Variants in NSG2 observed in about 807,000 individuals in gnomAD.
NSG2 encodes the protein neuronal vesicle trafficking-associated protein 2.
In NSG2, 4 loss-of-function variants were observed where a neutral mutation model predicts 16.9. That is an observed-to-expected ratio of 0.24 (90% CI 0.12 to 0.54). The LOEUF (loss-of-function observed/expected upper bound fraction) is 0.54, where lower values mean the gene tolerates loss of function less well. NSG2 is among the 20% of genes least tolerant of loss of function. The probability of loss-of-function intolerance (pLI) is 0.95; values close to 1 mark genes in which losing one functional copy is unlikely to be tolerated. For missense variants in NSG2, 179 were observed against 221.1 expected, an observed-to-expected ratio of 0.81 and a Z score of 1.21; for synonymous variants, 98 against 88.7, an observed-to-expected ratio of 1.11 and a Z score of -0.59.
chr5:174,075,810 T>C (rs994279252), intron 3 of NSG2, among the ~76,000 whole-genome samples: 1 of 152,250 alleles, frequency 6.6e-6, no homozygotes, highest in African/African-American at 2.4e-5. Flanking sequence ...ATAAGATGAC[T>C]GTATGTGCAG....
intron 3 of NSG2, among the ~76,000 whole-genome samples, chr5:174,092,376 C>T (rs1338907122): frequency 6.6e-6 from 1 of 152,214 alleles, no homozygotes; most frequent in African/African-American, 2.4e-5. Flanking sequence ...GTCAAAGGTG[C>T]TTTTCTGCCC....
At chr5:174,074,755 T>C (rs754189644) in intron 3 of NSG2, among the ~76,000 whole-genome samples, 26 of 151,972 alleles carry the variant, frequency 1.7e-4, no homozygotes, top group Non-Finnish European at 3.4e-4. Context: ...CTGCCATGCC[T>C]TTTCATACTT....
rs746237857 is a variant in NSG2 at position 174,107,716 on chromosome 5, G to T, written c.*211G>T. Reference sequence around the variant, plus strand: ...TTTTGTTCCTTGGTATTGTTGATTCGTCGCCGAGTCAGGCTCATGTACAAA... The same window carrying T: ...TTTTGTTCCTTGGTATTGTTGATTCTTCGCCGAGTCAGGCTCATGTACAAA... On this transcript the variant is annotated 3_prime_UTR_variant, in exon 5 of 5. Transcript: ENST00000303177. The surrounding 1 kb of genome is among the most constrained non-coding windows in gnomAD (Gnocchi z 4.5). The T allele has an allele frequency of 1.4e-6, 1 of 698,882 alleles. No individual in the cohort carries two copies. The highest frequency in any genetic ancestry group is 2.0e-5 in the Admixed American group (1 of 49,724). 43.3% of individuals were successfully genotyped at this position (698,882 alleles called of 1,614,324 possible).
At chr5:174,074,663 T>C (rs1760305760) in intron 3 of NSG2, among the ~76,000 whole-genome samples, 1 of 152,022 alleles carries the variant, frequency 6.6e-6, no homozygotes, top group Non-Finnish European at 1.5e-5. Flanking sequence ...CTTCCAAAGG[T>C]GGGCCTTGCT....
chr5:174,093,633 A>G (rs938802287), intron 3 of NSG2, among the ~76,000 whole-genome samples: 7 of 152,236 alleles, frequency 4.6e-5, no homozygotes, highest in African/African-American at 1.4e-4. Flanking sequence ...TTTGGGGCTC[A>G]GCCAGGAACA....
At chr5:174,071,682 C>G (rs1023147159) in intron 3 of NSG2, among the ~76,000 whole-genome samples, 1 of 152,214 alleles carries the variant, frequency 6.6e-6, no homozygotes, top group Non-Finnish European at 1.5e-5. Context: ...TGCACTACCC[C>G]GCTGAATGGT....
Position 174,107,409 on chromosome 5 carries a change from C to T in NSG2, c.420C>T (p.Ser140=), listed in dbSNP as rs764195322. ...SRFYTVISHY[S]VAKQSTARAI... The stretch of plus-strand genomic sequence containing the variant: ...TCTACACAGTCATCAGCCACTACAG[C>T]GTGGCCAAGCAGAGCACTGCCCGGG... Residue 140 remains serine, a synonymous_variant, in exon 5 of 5, where the codon AGC becomes AGT. Transcript: ENST00000303177. This position sits in a 1 kb window ranked among gnomAD's most constrained non-coding sequence, Gnocchi z 4.5. The T allele has an allele frequency of 2.1e-5, 34 of 1,612,400 alleles. No individual in the cohort carries two copies. Among genetic ancestry groups the T allele is most frequent in the South Asian group, 2.2e-5 (2 of 90,970 alleles).
At position 174,098,896 on chromosome 5, in the gene NSG2, T is replaced by G. The variant is rs555486662; in HGVS notation, c.214-5332T>G. ...AGCGCTGGAGAACTAGCGAGCTGTT[T>G]ATCGCGAGGCTCAGGTTGTTAAATT... On this transcript the variant is annotated intron_variant, in intron 3 of 4. Transcript: ENST00000303177. Among the ~76,000 whole-genome samples the G allele has an allele frequency of 7.0e-4, 107 of 152,308 alleles. 1 individual carries two copies. Among genetic ancestry groups the G allele is most frequent in the South Asian group, 1.2e-3 (6 of 4,826 alleles).
rs1407002573 is a variant in NSG2, at chr5:174,097,385, G to A, written c.214-6843G>A. 4.0e-5 allele frequency among the ~76,000 whole-genome samples: 6 copies of A among 151,696 alleles called. No individual in the cohort carries two copies. The East Asian group carries it at 9.8e-4, about 25-fold the overall frequency. ...CAGGAGGAGACATGCAGGTGCTTCC[G>A]TGCACCACTACACCTGCACACGGCA... On this transcript the variant is annotated intron_variant, in intron 3 of 4. Coordinates refer to ENST00000303177, the MANE Select transcript of NSG2 (RefSeq NM_015980.5).
chr5:174,087,657 AC>A (rs992142197), intron 3 of NSG2, among the ~76,000 whole-genome samples: 1 of 151,618 alleles, frequency 6.6e-6, no homozygotes. Context: ...ATAGTGGTGC[AC>A]CCCTGCAAGT....
chr5:174,100,823 GC>G (rs1229174234), intron 3 of NSG2, among the ~76,000 whole-genome samples: 3 of 152,228 alleles, frequency 2.0e-5, no homozygotes, highest in Non-Finnish European at 2.9e-5. Flanking sequence ...AGCTCCTAGT[GC>G]CCCTTTACTA....
intron 3 of NSG2, among the ~76,000 whole-genome samples, chr5:174,065,060 G>A (rs973034899): frequency 3.9e-5 from 6 of 152,234 alleles, no homozygotes; most frequent in South Asian, 2.1e-4. Flanking sequence ...CGGGCACGGC[G>A]GCTCACGCCT....
At chr5:174,058,097 A>G (rs1759993188) in intron 2 of NSG2, among the ~76,000 whole-genome samples, 1 of 152,218 alleles carries the variant, frequency 6.6e-6, no homozygotes, top group Admixed American at 6.5e-5. Context: ...TTTGACATAA[A>G]CAGTAGTTTG....
At chr5:174,088,522 CAGG>C (rs1238243522) in intron 3 of NSG2, among the ~76,000 whole-genome samples, 1 of 152,182 alleles carries the variant, frequency 6.6e-6, no homozygotes, top group Non-Finnish European at 1.5e-5. Context: ...AAATCCAAAA[CAGG>C]AGAATGAATT....
At chr5:174,092,805 G>A (rs575470311) in intron 3 of NSG2, among the ~76,000 whole-genome samples, 3 of 152,250 alleles carry the variant, frequency 2.0e-5, no homozygotes, top group Admixed American at 6.5e-5. Flanking sequence ...GACTCGGCAC[G>A]TGAGGATGCT....
intron 2 of NSG2, among the ~76,000 whole-genome samples, chr5:174,059,064 G>A (rs998930374): frequency 6.6e-6 from 1 of 152,172 alleles, no homozygotes; most frequent in African/African-American, 2.4e-5. Context: ...TTTGAAGAGA[G>A]GGTTATGGTC....
At chr5:174,098,295 C>T (rs1010581599) in intron 3 of NSG2, among the ~76,000 whole-genome samples, 4 of 152,136 alleles carry the variant, frequency 2.6e-5, no homozygotes, top group African/African-American at 9.7e-5. Context: ...TGAGGGGGTG[C>T]AGGCTGAGCA....
chr5:174,067,008 A>G (rs967285753), intron 3 of NSG2, among the ~76,000 whole-genome samples: 2 of 150,670 alleles, frequency 1.3e-5, no homozygotes, highest in Non-Finnish European at 3.0e-5. Flanking sequence ...AAAAAAAAAA[A>G]AAAAAAAAGA....
At chr5:174,069,289 G>A (rs1232595861) in intron 3 of NSG2, among the ~76,000 whole-genome samples, 3 of 152,192 alleles carry the variant, frequency 2.0e-5, no homozygotes, top group Non-Finnish European at 4.4e-5. Flanking sequence ...TGCTGGTGCT[G>A]AGGAGGGTAC....
Sources: gnomAD v4.1 joint callset for allele counts (sites outside exome capture counted in the v4.1 genomes callset) on GRCh38, gnomAD v4.1.1 for gene constraint, Gnocchi (gnomAD v3.1) non-coding constraint, MANE v1.5 for transcripts, NCBI Gene and HGNC (gene_info 2026-07-23, HGNC 2026-07-21) for gene names.